SNCAIP: variants seen among roughly 807,000 people sequenced by gnomAD.
The protein encoded by SNCAIP is synuclein alpha interacting protein, also known as synphilin-1.
SNCAIP carries 43 observed loss-of-function variants against 86.7 expected under a neutral mutation model. The ratio of observed to expected loss-of-function variants is 0.50; its 90% CI spans 0.39 to 0.64. The LOEUF is 0.64. SNCAIP is among the 30% of genes least tolerant of loss of function. The pLI is 0.00. For synonymous variants in SNCAIP, 417 were observed against 427.2 expected (o/e 0.98, Z 0.29); for missense variants, 981 against 1,103.1 (o/e 0.89, Z 1.57).
rs1215652508 is a variant in SNCAIP at position 122,461,113 on chromosome 5, A to G, written c.2755-2378A>G. ...TCTGAAAATATCTTCAATTTACCAG[A>G]TTGAGTGTTTGACTCAGTATAGGAT... On this transcript the variant is annotated intron_variant, in intron 10 of 10. Transcript: ENST00000261368. Among the ~76,000 whole-genome samples the G allele has an allele frequency of 2.6e-5, 4 of 152,192 alleles. No homozygotes were observed. The East Asian group carries it at 7.7e-4, about 29-fold the overall frequency.
intron 6 of SNCAIP, chr5:122,436,812 T>C (rs1779591874): frequency 6.6e-6 from 1 of 152,182 alleles, no homozygotes; most frequent in Non-Finnish European, 1.5e-5. Context: ...CATGAGATAA[T>C]TGCCTCTTTA....
intron 3 of SNCAIP, among the ~76,000 whole-genome samples, chr5:122,420,097 C>T (rs750897130): frequency 1.1e-4 from 17 of 152,134 alleles, no homozygotes; most frequent in African/African-American, 1.9e-4. Flanking sequence ...AAGACATAGA[C>T]GAGAAAACAC....
chr5:122,337,637 C>T (rs913216329), intron 1 of SNCAIP, among the ~76,000 whole-genome samples: 1 of 152,168 alleles, frequency 6.6e-6, no homozygotes, highest in African/African-American at 2.4e-5. Flanking sequence ...CTCCTGGGTT[C>T]AAGTGATTTT....
At position 122,431,956 on chromosome 5, in the gene SNCAIP, T is replaced by G; in HGVS notation, c.1183-13T>G. ...CCTTGAATTTCCATCTCCCTTTCTT[T>G]TTTAAAACCTAGAATGGTCAGTTGG... On this transcript the variant is annotated splice_polypyrimidine_tract_variant and intron_variant, in intron 5 of 10. Transcript: ENST00000261368. 7.2e-7 allele frequency: 1 copy of G among 1,383,038 alleles called. No homozygotes were observed. Among genetic ancestry groups the G allele is most frequent in the Non-Finnish European group, 1.0e-6 (1 of 969,860 alleles). 85.7% of individuals were successfully genotyped at this position (1,383,038 alleles called of 1,614,324 possible). A position where few individuals can be genotyped will look rare whatever the true frequency, so the allele number is the denominator to read the frequency against.
intron 3 of SNCAIP, among the ~76,000 whole-genome samples, chr5:122,420,790 A>G (rs1223485984): frequency 6.6e-6 from 1 of 152,244 alleles, no homozygotes; most frequent in Non-Finnish European, 1.5e-5. Flanking sequence ...AAAAGTTCAT[A>G]TAAAAGATAG....
intron 1 of SNCAIP, among the ~76,000 whole-genome samples, chr5:122,365,078 G>A (rs993453755): frequency 6.6e-6 from 1 of 151,954 alleles, no homozygotes; most frequent in East Asian, 1.9e-4. Context: ...CTTCCCCTTG[G>A]CTTCCTGTCT....
At chr5:122,419,956 T>C (rs901218129) in intron 3 of SNCAIP, among the ~76,000 whole-genome samples, 2 of 152,342 alleles carry the variant, frequency 1.3e-5, no homozygotes, top group South Asian at 2.1e-4. Flanking sequence ...TTGAATTTTG[T>C]CTTTTGTATA....
intron 1 of SNCAIP, among the ~76,000 whole-genome samples, chr5:122,317,123 C>G (rs1751916214): frequency 6.6e-6 from 1 of 152,056 alleles, no homozygotes; most frequent in African/African-American, 2.4e-5. Context: ...CCCTAAGTGC[C>G]TTTTGTAGAC....
At chr5:122,361,957 G>A (rs1339450943) in intron 1 of SNCAIP, among the ~76,000 whole-genome samples, 1 of 152,212 alleles carries the variant, frequency 6.6e-6, no homozygotes, top group Non-Finnish European at 1.5e-5. Context: ...GATAGATTCA[G>A]TTTGGGGACA....
Position 122,360,280 on chromosome 5 carries a change from A to G in SNCAIP, c.-46-30809A>G, listed in dbSNP as rs377554186. Among the ~76,000 whole-genome samples the G allele has an allele frequency of 5.9e-5, 9 of 152,322 alleles. No individual in the cohort carries two copies. The South Asian group carries it at 6.2e-4, about 11-fold the overall frequency. On this transcript the variant is annotated intron_variant, in intron 1 of 10. Coordinates refer to ENST00000261368, the MANE Select transcript of SNCAIP (RefSeq NM_005460.4). ...ATGTTTGCAAGTGCTTCAGATGTCTATAGTGGCACCAATGGAATAGAATGC... is the reference window on the plus strand; with the variant it reads ...ATGTTTGCAAGTGCTTCAGATGTCTGTAGTGGCACCAATGGAATAGAATGC...
intron 1 of SNCAIP, among the ~76,000 whole-genome samples, chr5:122,384,961 T>C (rs1767788459): frequency 6.6e-6 from 1 of 152,200 alleles, no homozygotes; most frequent in Non-Finnish European, 1.5e-5. Context: ...TTTCTGGACA[T>C]TCTGTTCCAG....
intron 4 of SNCAIP, 49 bp from the exon 5 acceptor site, chr5:122,425,303 C>T (rs1428229309): frequency 6.9e-7 from 1 of 1,448,398 alleles, no homozygotes; most frequent in African/African-American, 1.4e-5. Context: ...CCTACAGGGT[C>T]TTGCTCTGAT....
chr5:122,459,088 C>T (rs1248909160), intron 10 of SNCAIP, among the ~76,000 whole-genome samples: 1 of 152,218 alleles, frequency 6.6e-6, no homozygotes, highest in Non-Finnish European at 1.5e-5. Flanking sequence ...AGTCCACCTA[C>T]CCACAGTGAG....
chr5:122,342,129 T>A (rs1053378695), intron 1 of SNCAIP, among the ~76,000 whole-genome samples: 1 of 152,178 alleles, frequency 6.6e-6, no homozygotes, highest in Non-Finnish European at 1.5e-5. Context: ...TATTGGTTGC[T>A]AAGCATCAGC....
In SNCAIP at chr5:122,396,345, A is replaced by G. The variant is rs1295202306; in HGVS notation, c.57+5154A>G. On this transcript the variant is annotated intron_variant, in intron 2 of 10. Transcript: ENST00000261368. Reference sequence around the variant, plus strand: ...TAGAATCTAGGTTCCCAAACTCCAAATCTTGGACTGGAGACCTCTGCCAGA... The same window carrying G: ...TAGAATCTAGGTTCCCAAACTCCAAGTCTTGGACTGGAGACCTCTGCCAGA... 2.0e-5 allele frequency among the ~76,000 whole-genome samples: 3 copies of G among 152,252 alleles called. No individual in the cohort carries two copies. The East Asian group carries it at 5.8e-4, about 29-fold the overall frequency.
At chr5:122,313,066 C>T (rs1750951575) in intron 1 of SNCAIP, 2 of 152,260 alleles carry the variant, frequency 1.3e-5, no homozygotes, top group Admixed American at 1.3e-4. Flanking sequence ...CTTTGAGGAA[C>T]ACGCTACTGC....
intron 1 of SNCAIP, among the ~76,000 whole-genome samples, chr5:122,359,084 A>G (rs1044347712): frequency 4.8e-4 from 73 of 152,228 alleles, no homozygotes; most frequent in Non-Finnish European, 9.1e-4. Context: ...AATTCTTCAT[A>G]TACAATTGTT....
chr5:122,453,757 A>ATTTTT (rs1784182110), intron 10 of SNCAIP, among the ~76,000 whole-genome samples: 2 of 135,904 alleles, frequency 1.5e-5, no homozygotes, highest in Non-Finnish European at 3.2e-5. Flanking sequence ...AAAGACTATC[A>ATTTTT]CTTTTTTTTT....
intron 3 of SNCAIP, among the ~76,000 whole-genome samples, chr5:122,413,772 CCTTAG>C (rs1369266451): frequency 6.6e-6 from 1 of 151,880 alleles, no homozygotes; most frequent in Non-Finnish European, 1.5e-5. Context: ...GGATCACCAC[CCTTAG>C]CCAGTTGAAG....
Sources: gnomAD v4.1 joint callset for allele counts (sites outside exome capture counted in the v4.1 genomes callset) on GRCh38, gnomAD v4.1.1 for gene constraint, MANE v1.5 for transcripts, NCBI Gene and HGNC (gene_info 2026-07-23, HGNC 2026-07-21) for gene names.